The following PIGL variants were observed in gnomAD, a reference collection of about 807,000 sequenced individuals.
The protein encoded by PIGL is N-acetylglucosaminyl-phosphatidylinositol de-N-acetylase.
PIGL carries 22 observed loss-of-function variants against 31.1 expected under a neutral mutation model. That is an observed-to-expected ratio of 0.71 (90% CI 0.51 to 1.01). The LOEUF is 1.01. Among genes scored for constraint, PIGL ranks in the 50% least tolerant of loss-of-function variants. The probability of loss-of-function intolerance (pLI) is 0.00; values close to 1 mark genes in which losing one functional copy is unlikely to be tolerated. For missense variants in PIGL, 302 were observed against 315.9 expected (o/e 0.96, Z 0.33); for synonymous variants, 131 against 117.4 (o/e 1.12, Z -0.75).
chr17:16,240,380 T>A (rs1479743373), intron 2 of PIGL, among the ~76,000 whole-genome samples: 1 of 152,086 alleles, frequency 6.6e-6, no homozygotes, highest in Admixed American at 6.6e-5. Flanking sequence ...AAGGAACTAA[T>A]GAACCCAGGC....
At chr17:16,256,695 G>GTGTTTGTT (rs34187120) in intron 2 of PIGL, among the ~76,000 whole-genome samples, 1,844 of 149,802 alleles carry the variant, frequency 0.012, 54 homozygotes, top group African/African-American at 0.042. Context: ...TGTTTTTTGT[G>GTGTTTGTT]TGTTTGTTTG....
rs1422335004 is a variant in PIGL at position 16,234,108 on chromosome 17, A to G, written c.335+38A>G. The G allele has an allele frequency of 2.6e-6, 3 of 1,142,928 alleles. No homozygotes were observed. The South Asian group carries it at 3.7e-5, about 14-fold the overall frequency. 70.8% of individuals were successfully genotyped at this position (1,142,928 alleles called of 1,614,324 possible). A position where few individuals can be genotyped will look rare whatever the true frequency, so the allele number is the denominator to read the frequency against. ...TTAACAATGTAGAAATTTATTGGCA[A>G]TAAATATGCAGTGATATACTCAAAA... On this transcript the variant is annotated intron_variant, in intron 2 of 6. Coordinates refer to ENST00000225609, the MANE Select transcript of PIGL (RefSeq NM_004278.4).
chr17:16,264,947 G>A (rs982298556), intron 2 of PIGL, among the ~76,000 whole-genome samples: 1 of 152,162 alleles, frequency 6.6e-6, no homozygotes, highest in Non-Finnish European at 1.5e-5. Flanking sequence ...TTATTGAAAT[G>A]TGATGTAGTC....
chr17:16,320,231 AAGG>A (rs2093097807), intron 6 of PIGL, among the ~76,000 whole-genome samples: 3 of 111,142 alleles, frequency 2.7e-5, no homozygotes, highest in South Asian at 3.7e-4. Flanking sequence ...GGAAGGAAGG[AAGG>A]AAGGAAGGAA....
intron 2 of PIGL, among the ~76,000 whole-genome samples, chr17:16,274,307 CAAG>C (rs2092884625): frequency 6.6e-6 from 1 of 152,082 alleles, no homozygotes; most frequent in African/African-American, 2.4e-5. Context: ...GACCTGAGGC[CAAG>C]AAGAGGAAGG....
At chr17:16,303,904 C>T (rs921248194) in intron 3 of PIGL, among the ~76,000 whole-genome samples, 24 of 152,048 alleles carry the variant, frequency 1.6e-4, no homozygotes, top group African/African-American at 5.5e-4. Flanking sequence ...TTAGTAGAGA[C>T]GGGGTTTCGC....
At chr17:16,305,952 TTTG>T (rs2093024342) in intron 3 of PIGL, among the ~76,000 whole-genome samples, 1 of 151,954 alleles carries the variant, frequency 6.6e-6, no homozygotes, top group African/African-American at 2.4e-5. Flanking sequence ...CCCAGCTAAT[TTTG>T]TTGTTGTTTT....
At chr17:16,263,607 C>G (rs570590749) in intron 2 of PIGL, among the ~76,000 whole-genome samples, 1 of 151,870 alleles carries the variant, frequency 6.6e-6, no homozygotes, top group South Asian at 2.1e-4. Context: ...TCAATGCAAC[C>G]TCTGCTTTCC....
chr17:16,311,399 TG>T (rs1370037779), intron 3 of PIGL, among the ~76,000 whole-genome samples: 1 of 144,354 alleles, frequency 6.9e-6, no homozygotes, highest in African/African-American at 2.6e-5. Context: ...ACCACAGACA[TG>T]TTATATAACT....
intron 4 of PIGL, 109 bp from the exon 5 acceptor site, chr17:16,316,572 C>T (rs1273680082): frequency 1.9e-6 from 2 of 1,078,716 alleles, no homozygotes; most frequent in African/African-American, 1.6e-5. Flanking sequence ...CCTGGAGACT[C>T]ACATGGAGGG....
At chr17:16,279,586 T>C (rs1487164360) in intron 2 of PIGL, 4 of 152,250 alleles carry the variant, frequency 2.6e-5, no homozygotes, top group Non-Finnish European at 5.9e-5. Flanking sequence ...GAGAAGATTT[T>C]CTATAGAAGT....
intron 2 of PIGL, among the ~76,000 whole-genome samples, chr17:16,235,804 T>C (rs1360199242): frequency 6.6e-6 from 1 of 151,262 alleles, no homozygotes; most frequent in Non-Finnish European, 1.5e-5. Flanking sequence ...GTCTAACTTT[T>C]TGGGGGGCAA....
At chr17:16,229,857 G>GTTTT (rs2092670641) in intron 1 of PIGL, among the ~76,000 whole-genome samples, 2 of 52,914 alleles carry the variant, frequency 3.8e-5, no homozygotes, top group Non-Finnish European at 7.0e-5. Flanking sequence ...TTAAAGTCAT[G>GTTTT]ATTTTTTTTT....
intron 2 of PIGL, among the ~76,000 whole-genome samples, chr17:16,274,375 C>T (rs145755576): frequency 6.6e-6 from 1 of 152,218 alleles, no homozygotes; most frequent in African/African-American, 2.4e-5. Flanking sequence ...ACATAGGTCA[C>T]TTTGTTTGTT....
chr17:16,230,356 T>C (rs2092673343), intron 1 of PIGL, among the ~76,000 whole-genome samples: 1 of 152,216 alleles, frequency 6.6e-6, no homozygotes, highest in Non-Finnish European at 1.5e-5. Flanking sequence ...CTGTTCCTTT[T>C]GTCCCTTAGA....
chr17:16,220,885 G>A (rs776517108), intron 1 of PIGL, among the ~76,000 whole-genome samples: 23 of 152,002 alleles, frequency 1.5e-4, no homozygotes, highest in Admixed American at 3.3e-4. Flanking sequence ...CACCTGGCCC[G>A]GCCTCCCAAA....
intron 2 of PIGL, among the ~76,000 whole-genome samples, chr17:16,258,143 G>GAGAGAGAGAAAGAGAGAGAGAGAA (rs1568803006): frequency 1.6e-5 from 1 of 60,824 alleles, no homozygotes; most frequent in African/African-American, 4.1e-5. Context: ...GAGAGAAAGA[G>GAGAGAGAGAAAGAGAGAGAGAGAA]AGAGAGAGAG....
intron 2 of PIGL, among the ~76,000 whole-genome samples, chr17:16,274,596 A>G (rs12938394): frequency 0.56 from 84,774 of 151,196 alleles, 24,470 homozygotes; most frequent in African/African-American, 0.68. Flanking sequence ...GGTGGCAGCC[A>G]CCTGTAATCT....
At chr17:16,256,124 C>T (rs1157267586) in intron 2 of PIGL, among the ~76,000 whole-genome samples, 1 of 152,038 alleles carries the variant, frequency 6.6e-6, no homozygotes, top group Non-Finnish European at 1.5e-5. Flanking sequence ...GCAAATACCA[C>T]AAAAATGGGA....
Sources: gnomAD v4.1 joint callset for allele counts (sites outside exome capture counted in the v4.1 genomes callset) on GRCh38, gnomAD v4.1.1 for gene constraint, MANE v1.5 for transcripts, NCBI Gene and HGNC (gene_info 2026-07-23, HGNC 2026-07-21) for gene names.